ANKS1A: variants seen among roughly 807,000 people sequenced by gnomAD.
The protein encoded by ANKS1A is ankyrin repeat and SAM domain-containing protein 1A.
A neutral mutation model predicts 120.3 loss-of-function variants in ANKS1A; 55 were observed. The ratio of observed to expected loss-of-function variants is 0.46; its 90% CI spans 0.37 to 0.57. The LOEUF is 0.57. Ranked by LOEUF, ANKS1A falls within the 20% of genes least tolerant of loss-of-function variation. The pLI is 0.00. For synonymous variants in ANKS1A, 590 were observed against 604.7 expected (o/e 0.98, Z 0.36); for missense variants, 1,123 against 1,480.3 (o/e 0.76, Z 3.96).
chr6:35,059,245 C>T (rs536430057), intron 12 of ANKS1A, among the ~76,000 whole-genome samples: 12 of 152,380 alleles, frequency 7.9e-5, no homozygotes, highest in Non-Finnish European at 1.6e-4. Context: ...GCCCAGGAGA[C>T]GCCCTGCTTG....
At chr6:35,078,964 C>CTGAA (rs1329290495) in intron 14 of ANKS1A, among the ~76,000 whole-genome samples, 1 of 152,192 alleles carries the variant, frequency 6.6e-6, no homozygotes, top group Non-Finnish European at 1.5e-5. Context: ...GCCTTTCACC[C>CTGAA]AGAGCCCCCT....
At chr6:34,898,119 T>G (rs935146774) in intron 1 of ANKS1A, among the ~76,000 whole-genome samples, 17 of 152,196 alleles carry the variant, frequency 1.1e-4, no homozygotes, top group Non-Finnish European at 4.4e-5. Context: ...GCTAGAATCA[T>G]CTAATGGGAG....
Position 35,085,645 on chromosome 6 carries a change from G to A in ANKS1A, c.3133-121G>A. On this transcript the variant is annotated intron_variant, in intron 21 of 23. Coordinates refer to ENST00000360359, the MANE Select transcript of ANKS1A (RefSeq NM_015245.3). The surrounding 1 kb of genome is among the most constrained non-coding windows in gnomAD (Gnocchi z 4.7). ...GGAGGGAAAGGAGGGAAGAGTGGAA[G>A]GAGGTAGGAGCGCTCCCGGGTAGAC... 1 of 934,822 alleles carries A rather than the reference G, an allele frequency of 1.1e-6. No individual in the cohort carries two copies. The allele number at this position is 934,822 out of a possible 1,614,324, so 57.9% of individuals were successfully genotyped here.
At chr6:34,991,058 C>G (rs1772478650) in intron 9 of ANKS1A, among the ~76,000 whole-genome samples, 1 of 152,086 alleles carries the variant, frequency 6.6e-6, no homozygotes, top group Non-Finnish European at 1.5e-5. Context: ...AGCTTTAATA[C>G]CCTAGACTCT....
intron 14 of ANKS1A, 67 bp downstream of exon 14, chr6:35,078,723 C>A: frequency 6.9e-7 from 1 of 1,450,208 alleles, no homozygotes; most frequent in Non-Finnish European, 9.5e-7. Context: ...GCACCACCTG[C>A]ACCAAGAACA....
intron 3 of ANKS1A, among the ~76,000 whole-genome samples, chr6:34,977,209 C>T (rs1003562233): frequency 6.6e-6 from 1 of 152,062 alleles, no homozygotes; most frequent in African/African-American, 2.4e-5. Flanking sequence ...TTTGATATTT[C>T]CTTATGATTA....
chr6:34,924,078 A>C (rs1768576818), intron 1 of ANKS1A, among the ~76,000 whole-genome samples: 1 of 144,018 alleles, frequency 6.9e-6, no homozygotes, highest in South Asian at 2.2e-4. Context: ...CATAGAATAG[A>C]GGGGGCTTTT....
chr6:35,029,953 G>A (rs191945278), intron 11 of ANKS1A, among the ~76,000 whole-genome samples: 33 of 151,802 alleles, frequency 2.2e-4, no homozygotes, highest in African/African-American at 7.5e-4. Context: ...ATTTTGCTAT[G>A]AGGAGTGCTA....
At chr6:34,895,765 TTCAAGAATG>T (rs1002791865) in intron 1 of ANKS1A, among the ~76,000 whole-genome samples, 12 of 150,024 alleles carry the variant, frequency 8.0e-5, no homozygotes, top group Non-Finnish European at 1.6e-4. Context: ...AAAATAGTTT[TTCAAGAATG>T]TCTTTCTTTT....
At chr6:35,009,472 T>A (rs988855807) in intron 10 of ANKS1A, among the ~76,000 whole-genome samples, 4 of 152,016 alleles carry the variant, frequency 2.6e-5, no homozygotes, top group African/African-American at 9.7e-5. Flanking sequence ...ATGTGTTAAG[T>A]TTGAGGTGTT....
At chr6:34,944,692 A>G (rs947923856) in intron 1 of ANKS1A, among the ~76,000 whole-genome samples, 4 of 152,174 alleles carry the variant, frequency 2.6e-5, no homozygotes, top group African/African-American at 4.8e-5. Context: ...GCACATATGA[A>G]ATGGTGGCCC....
intron 13 of ANKS1A, among the ~76,000 whole-genome samples, chr6:35,075,367 A>G (rs545783754): frequency 6.6e-6 from 1 of 152,168 alleles, no homozygotes; most frequent in Non-Finnish European, 1.5e-5. Context: ...TAAATAGCAA[A>G]CTGGAAAACA....
chr6:34,938,149 A>G (rs1050341216), intron 1 of ANKS1A, among the ~76,000 whole-genome samples: 2 of 152,214 alleles, frequency 1.3e-5, no homozygotes, highest in South Asian at 2.1e-4. Context: ...CCTCTCATCC[A>G]TTTTAAAGCA....
chr6:35,054,191 C>G (rs1052509182), intron 12 of ANKS1A, 26 bp downstream of exon 12: 1 of 1,609,732 alleles, frequency 6.2e-7, no homozygotes, highest in African/African-American at 1.3e-5. Flanking sequence ...GCCATTTTCC[C>G]CACAGAAACT....
At chr6:34,895,722 C>G (rs1334828919) in intron 1 of ANKS1A, among the ~76,000 whole-genome samples, 1 of 147,406 alleles carries the variant, frequency 6.8e-6, no homozygotes, top group South Asian at 2.1e-4. Context: ...TAGCAGTTTT[C>G]TGGGTCTTCC....
Position 35,083,439 on chromosome 6 carries a change from A to G in ANKS1A, c.2930A>G (p.Lys977Arg), listed in dbSNP as rs1777794678. The G allele has an allele frequency of 6.2e-7, 1 of 1,614,090 alleles. No individual in the cohort carries two copies. Among genetic ancestry groups the G allele is most frequent in the South Asian group, 1.1e-5 (1 of 91,084 alleles). ...TAGAAATCTACGGAGCACATGAAGA[A>G]GATCCCCACCATCATCCTGTCCATC... Reference protein sequence around the residue: ...KMRKSTEHMKKIPTIILSITY... With the variant: ...KMRKSTEHMKRIPTIILSITY... Residue 977 changes from lysine to arginine, a missense_variant, in exon 20 of 24, where the codon AAG becomes AGG. By Grantham distance (26) the Lys-to-Arg change is conservative. This residue lies in a region of ANKS1A where 904 missense variants were observed against 1,130.4 expected (regional missense o/e 0.80). Transcript: ENST00000360359.
intron 7 of ANKS1A, among the ~76,000 whole-genome samples, chr6:34,983,634 A>G (rs1404776234): frequency 2.6e-5 from 4 of 152,056 alleles, no homozygotes; most frequent in Non-Finnish European, 5.9e-5. Context: ...TTCCTACTTT[A>G]TTTTAGCCTC....
At chr6:35,070,849 C>T (rs182037286) in intron 13 of ANKS1A, 107 of 590,268 alleles carry the variant, frequency 1.8e-4, no homozygotes, top group South Asian at 6.7e-4. Flanking sequence ...TGTGTGTGCG[C>T]GCCAAAGATT....
intron 10 of ANKS1A, among the ~76,000 whole-genome samples, chr6:35,002,984 T>C (rs1773250047): frequency 6.8e-6 from 1 of 147,170 alleles, no homozygotes; most frequent in Non-Finnish European, 1.5e-5. Flanking sequence ...CACTAGGCTA[T>C]ACTAGATATG....
Sources: gnomAD v4.1 joint callset for allele counts (sites outside exome capture counted in the v4.1 genomes callset) on GRCh38, gnomAD v4.1.1 for gene constraint, gnomAD v4.1.1 regional missense constraint, Gnocchi (gnomAD v3.1) non-coding constraint, MANE v1.5 for transcripts, NCBI Gene and HGNC (gene_info 2026-07-23, HGNC 2026-07-21) for gene names.